CCBE1: variants seen among roughly 807,000 people sequenced by gnomAD.
CCBE1 encodes collagen and calcium binding EGF domains 1.
In CCBE1, 37 loss-of-function variants were observed where a neutral mutation model predicts 50.0. The ratio of observed to expected loss-of-function variants is 0.74; its 90% CI spans 0.57 to 0.97. CCBE1 has a LOEUF of 0.97. Ranked by LOEUF, CCBE1 falls within the 50% of genes least tolerant of loss-of-function variation. The pLI is 0.00. For synonymous variants in CCBE1, 234 were observed against 203.7 expected (o/e 1.15, Z -1.27); for missense variants, 538 against 523.8 (o/e 1.03, Z -0.26).
At chr18:59,591,914 C>G (rs116291682) in intron 2 of CCBE1, among the ~76,000 whole-genome samples, 2,497 of 152,272 alleles carry the variant, frequency 0.016, 35 homozygotes, top group Middle Eastern at 0.054. Context: ...ACAGGTTAAG[C>G]CTCCTTAAAC....
chr18:59,565,781 C>G (rs928048372), intron 2 of CCBE1, among the ~76,000 whole-genome samples: 1 of 150,628 alleles, frequency 6.6e-6, no homozygotes, highest in Non-Finnish European at 1.5e-5. Context: ...TTTTTAAGAA[C>G]AGTACAGATA....
At chr18:59,687,018 C>T (rs1209927701) in intron 2 of CCBE1, among the ~76,000 whole-genome samples, 1 of 152,206 alleles carries the variant, frequency 6.6e-6, no homozygotes, top group Non-Finnish European at 1.5e-5. Flanking sequence ...TTCAACAAGT[C>T]TGTGGTCTAA....
At chr18:59,543,111 T>C (rs143204694) in intron 2 of CCBE1, among the ~76,000 whole-genome samples, 1 of 152,092 alleles carries the variant, frequency 6.6e-6, no homozygotes, top group Non-Finnish European at 1.5e-5. Flanking sequence ...TGGATCCCAA[T>C]GCTTTCCATA....
At chr18:59,620,914 C>G (rs1295429109) in intron 2 of CCBE1, among the ~76,000 whole-genome samples, 1 of 152,214 alleles carries the variant, frequency 6.6e-6, no homozygotes, top group Non-Finnish European at 1.5e-5. Flanking sequence ...CATCCCTGCA[C>G]TGGCCAGGGC....
intron 5 of CCBE1, chr18:59,465,714 T>C (rs905958177): frequency 6.6e-6 from 1 of 152,270 alleles, no homozygotes; most frequent in Non-Finnish European, 1.5e-5. Flanking sequence ...GAATCTTGCC[T>C]GTCCCTAGAC....
intron 2 of CCBE1, among the ~76,000 whole-genome samples, chr18:59,670,716 G>A (rs12327271): frequency 6.6e-6 from 1 of 152,136 alleles, no homozygotes; most frequent in Non-Finnish European, 1.5e-5. Flanking sequence ...GGGAGGCCGA[G>A]GCGGGAGGAT....
intron 5 of CCBE1, chr18:59,459,199 A>G (rs781543148): frequency 2.0e-5 from 3 of 152,198 alleles, no homozygotes; most frequent in Non-Finnish European, 4.4e-5. Context: ...ACAAAATCAG[A>G]TATGTGGGGT....
intron 2 of CCBE1, among the ~76,000 whole-genome samples, chr18:59,534,253 G>A (rs1319082476): frequency 2.6e-5 from 4 of 152,188 alleles, no homozygotes; most frequent in African/African-American, 9.7e-5. Flanking sequence ...TCGGTATCAT[G>A]TACTAAAACC....
At position 59,432,698 on chromosome 18, in the gene CCBE1, A is replaced by G. The variant is rs764682410; in HGVS notation, c.*3210T>C. 6.6e-6 allele frequency: 1 copy of G among 152,222 alleles called. No homozygotes were observed. Among genetic ancestry groups the G allele is most frequent in the Non-Finnish European group, 1.5e-5 (1 of 68,036 alleles). The allele number at this position is 152,222 out of a possible 1,614,324, so 9.4% of individuals were successfully genotyped here. ...TTGACATTATAAAATACAGGTTACC[A>G]TAAGTTTTGCTGGAGAATATTATCT... On this transcript the variant is annotated 3_prime_UTR_variant, in exon 11 of 11. Transcript: ENST00000439986.
intron 2 of CCBE1, chr18:59,568,321 G>A (rs76514156): frequency 0.029 from 4,439 of 152,276 alleles, 99 homozygotes; most frequent in Middle Eastern, 0.071. Context: ...CGTGTAAATG[G>A]ACAGGACAGC....
Position 59,431,878 on chromosome 18 carries a change from A to G in CCBE1, c.*4030T>C, listed in dbSNP as rs1230111466. The G allele has an allele frequency of 6.6e-6, 1 of 152,236 alleles. No individual in the cohort carries two copies. Among genetic ancestry groups the G allele is most frequent in the Non-Finnish European group, 1.5e-5 (1 of 68,058 alleles). The allele number at this position is 152,236 out of a possible 1,614,324, so 9.4% of individuals were successfully genotyped here. A position where few individuals can be genotyped will look rare whatever the true frequency, so the allele number is the denominator to read the frequency against. ...CTCTGCAGCCCCACTCACTTTTGGC[A>G]CAGTATAGCTTATAATTTCTCCCTC... On this transcript the variant is annotated 3_prime_UTR_variant, in exon 11 of 11. Transcript: ENST00000439986.
At chr18:59,592,699 G>T (rs1434816444) in intron 2 of CCBE1, among the ~76,000 whole-genome samples, 1 of 152,198 alleles carries the variant, frequency 6.6e-6, no homozygotes, top group Non-Finnish European at 1.5e-5. Flanking sequence ...AATGAGATTG[G>T]TGGACAGGTG....
intron 2 of CCBE1, among the ~76,000 whole-genome samples, chr18:59,493,865 C>G (rs1913225494): frequency 6.6e-6 from 1 of 152,164 alleles, no homozygotes; most frequent in African/African-American, 2.4e-5. Context: ...CTTTCCCATG[C>G]TATTATAGTA....
intron 3 of CCBE1, among the ~76,000 whole-genome samples, chr18:59,470,498 G>A (rs996522053): frequency 5.9e-5 from 9 of 152,154 alleles, no homozygotes; most frequent in Admixed American, 1.3e-4. Flanking sequence ...TACTGTATAA[G>A]TGTGCATCCT....
At chr18:59,476,690 A>G (rs181912196) in intron 3 of CCBE1, among the ~76,000 whole-genome samples, 5 of 152,346 alleles carry the variant, frequency 3.3e-5, no homozygotes, top group South Asian at 2.1e-4. Context: ...CTTAAAAACT[A>G]TAGCTTCCAC....
chr18:59,609,558 C>T (rs887086573), intron 2 of CCBE1, among the ~76,000 whole-genome samples: 7 of 152,174 alleles, frequency 4.6e-5, no homozygotes, highest in Non-Finnish European at 8.8e-5. Context: ...TAGGTTCTAC[C>T]TCTCAGTGTT....
chr18:59,663,665 A>G (rs1599114552), intron 2 of CCBE1, among the ~76,000 whole-genome samples: 1 of 152,086 alleles, frequency 6.6e-6, no homozygotes, highest in Admixed American at 6.6e-5. Context: ...CAGCAACATG[A>G]GAGTCAGAAG....
At chr18:59,640,092 A>G (rs753163224) in intron 2 of CCBE1, among the ~76,000 whole-genome samples, 26 of 152,178 alleles carry the variant, frequency 1.7e-4, no homozygotes, top group Non-Finnish European at 3.1e-4. Context: ...TGCTATTCCT[A>G]TGAAACTACT....
intron 2 of CCBE1, among the ~76,000 whole-genome samples, chr18:59,503,612 T>G (rs1270388218): frequency 6.6e-6 from 1 of 152,242 alleles, no homozygotes; most frequent in African/African-American, 2.4e-5. Flanking sequence ...TGGCTCATCC[T>G]CACCATTTTT....
Sources: gnomAD v4.1 joint callset for allele counts (sites outside exome capture counted in the v4.1 genomes callset) on GRCh38, gnomAD v4.1.1 for gene constraint, MANE v1.5 for transcripts, NCBI Gene and HGNC (gene_info 2026-07-23, HGNC 2026-07-21) for gene names.